Variants in CNOT6L observed in about 807,000 individuals in gnomAD.
CNOT6L encodes the protein CCR4-NOT transcription complex subunit 6 like, also known as CCR4-NOT transcription complex subunit 6-like.
In CNOT6L, 7 loss-of-function variants were observed where a neutral mutation model predicts 64.0. The ratio of observed to expected loss-of-function variants is 0.11; its 90% CI spans 0.06 to 0.21. The LOEUF (loss-of-function observed/expected upper bound fraction) is 0.21. CNOT6L is among the 10% of genes least tolerant of loss of function. The pLI is 1.00. For missense variants in CNOT6L, 245 were observed against 669.0 expected, an observed-to-expected ratio of 0.37 and a Z score of 6.99; for synonymous variants, 193 against 243.4, an observed-to-expected ratio of 0.79 and a Z score of 1.93.
intron 1 of CNOT6L, among the ~76,000 whole-genome samples, chr4:77,795,289 G>C (rs1371431255): frequency 6.6e-6 from 1 of 152,108 alleles, no homozygotes; most frequent in Admixed American, 6.6e-5. Flanking sequence ...AAAGTGCTGA[G>C]ATTACAGGTG....
intron 11 of CNOT6L, among the ~76,000 whole-genome samples, chr4:77,725,816 G>A (rs1280362890): frequency 2.0e-5 from 3 of 152,124 alleles, no homozygotes. Flanking sequence ...GGGAGGTTAG[G>A]GGAGGGAGGT....
At chr4:77,724,752 G>A (rs1293853415) in intron 11 of CNOT6L, among the ~76,000 whole-genome samples, 1 of 152,020 alleles carries the variant, frequency 6.6e-6, no homozygotes, top group Non-Finnish European at 1.5e-5. Flanking sequence ...CTTATTTTCG[G>A]GAACTTTATC....
intron 5 of CNOT6L, among the ~76,000 whole-genome samples, chr4:77,756,646 A>G (rs1018983920): frequency 2.6e-5 from 4 of 152,242 alleles, no homozygotes; most frequent in East Asian, 1.9e-4. Flanking sequence ...GTTCTTAAAC[A>G]AAATAATGCA....
intron 1 of CNOT6L, among the ~76,000 whole-genome samples, chr4:77,800,533 TAA>T (rs1024227010): frequency 2.6e-5 from 4 of 151,890 alleles, no homozygotes; most frequent in Non-Finnish European, 5.9e-5. Context: ...TTAAAAAAAA[TAA>T]AGTCTTGTAT....
chr4:77,778,715 C>A (rs1032987880), intron 1 of CNOT6L, among the ~76,000 whole-genome samples: 3 of 151,496 alleles, frequency 2.0e-5, no homozygotes, highest in Admixed American at 6.6e-5. Flanking sequence ...CAGGCGTGAG[C>A]CACGGCACCC....
intron 1 of CNOT6L, among the ~76,000 whole-genome samples, chr4:77,794,434 T>C (rs1730566768): frequency 6.6e-6 from 1 of 152,136 alleles, no homozygotes; most frequent in South Asian, 2.1e-4. Context: ...TCCATCATTA[T>C]ACCAAGTGGT....
intron 5 of CNOT6L, among the ~76,000 whole-genome samples, chr4:77,750,493 T>C (rs1173747479): frequency 6.6e-6 from 1 of 151,812 alleles, no homozygotes; most frequent in African/African-American, 2.4e-5. Context: ...CTGGGACTAC[T>C]GGCGCCCACC....
In CNOT6L at chr4:77,720,099, GTATT is replaced by G. The variant is rs1011013720; in HGVS notation, c.*328_*331del. On this transcript the variant is annotated 3_prime_UTR_variant, in exon 12 of 12. Transcript: ENST00000504123. ...GCTCACTGAAACCATTCAAAAGAAAGTATTTGTTTTGGAAAAACAAATACACTGT... is the reference window on the plus strand; with the variant it reads ...GCTCACTGAAACCATTCAAAAGAAAGTGTTTTGGAAAAACAAATACACTGT... 1.1e-5 allele frequency: 2 copies of G among 189,352 alleles called. No homozygotes were observed. The highest frequency in any genetic ancestry group is 4.7e-5 in the African/African-American group (2 of 42,592). 11.7% of individuals were successfully genotyped at this position (189,352 alleles called of 1,614,324 possible).
chr4:77,734,859 A>G (rs1017873708), intron 8 of CNOT6L, among the ~76,000 whole-genome samples: 1 of 152,170 alleles, frequency 6.6e-6, no homozygotes, highest in Non-Finnish European at 1.5e-5. Flanking sequence ...TGTTATGAGC[A>G]TGCATTCTCT....
chr4:77,781,563 T>A (rs1728858623), intron 1 of CNOT6L, among the ~76,000 whole-genome samples: 1 of 152,134 alleles, frequency 6.6e-6, no homozygotes, highest in African/African-American at 2.4e-5. Flanking sequence ...CATACAAATA[T>A]ACTATTGTTA....
At chr4:77,799,402 A>G (rs1363606073) in intron 1 of CNOT6L, among the ~76,000 whole-genome samples, 2 of 152,156 alleles carry the variant, frequency 1.3e-5, no homozygotes, top group African/African-American at 4.8e-5. Flanking sequence ...AGTATAAACA[A>G]GGTCAAAAGT....
rs962827694 is a variant in CNOT6L at position 77,713,736 on chromosome 4, C to T, written c.*6695G>A. Reference sequence around the variant, plus strand: ...TGAGCAGTTTTGGTCAAGATTCAGACCTCATCAACTGTTTAACTGTAATAA... The same window carrying T: ...TGAGCAGTTTTGGTCAAGATTCAGATCTCATCAACTGTTTAACTGTAATAA... On this transcript the variant is annotated 3_prime_UTR_variant, in exon 12 of 12. Transcript: ENST00000504123. 6.6e-6 allele frequency: 1 copy of T among 152,462 alleles called. No individual in the cohort carries two copies. Among genetic ancestry groups the T allele is most frequent in the African/African-American group, 2.4e-5 (1 of 41,418 alleles). 9.4% of individuals were successfully genotyped at this position (152,462 alleles called of 1,614,324 possible).
intron 8 of CNOT6L, 119 bp from the exon 9 acceptor site, chr4:77,731,657 G>T (rs963876472): frequency 1.4e-6 from 1 of 737,894 alleles, no homozygotes; most frequent in Non-Finnish European, 2.1e-6. Flanking sequence ...GTGACCATGT[G>T]ATACAGTTCT....
chr4:77,754,904 A>AAAAAAAAAAC (rs1725328884), intron 5 of CNOT6L, among the ~76,000 whole-genome samples: 1 of 146,608 alleles, frequency 6.8e-6, no homozygotes, highest in Non-Finnish European at 1.5e-5. Context: ...AAAAAAAAAA[A>AAAAAAAAAAC]AAAAAAAAAC....
intron 4 of CNOT6L, among the ~76,000 whole-genome samples, chr4:77,760,967 C>T (rs370761898): frequency 4.7e-5 from 7 of 147,868 alleles, no homozygotes; most frequent in East Asian, 4.0e-4. Context: ...CTGCCCACCT[C>T]GGCCTCCCAA....
chr4:77,806,224 G>A (rs1220800677), intron 1 of CNOT6L, among the ~76,000 whole-genome samples: 7 of 152,040 alleles, frequency 4.6e-5, no homozygotes, highest in Admixed American at 1.3e-4. Context: ...TTGGGAGTTC[G>A]AGACCAGCCT....
intron 1 of CNOT6L, among the ~76,000 whole-genome samples, chr4:77,814,390 T>C (rs186088419): frequency 3.9e-5 from 6 of 152,282 alleles, no homozygotes; most frequent in Admixed American, 3.9e-4. Context: ...CTCATAAAAG[T>C]TGTCCAAAAA....
chr4:77,731,802 T>A, intron 8 of CNOT6L: 2 of 302,560 alleles, frequency 6.6e-6, no homozygotes, highest in Non-Finnish European at 1.2e-5. Flanking sequence ...ATAATAACCA[T>A]CTTGTGACCA....
intron 7 of CNOT6L, 61 bp downstream of exon 7, chr4:77,744,657 T>A: frequency 1.4e-6 from 2 of 1,430,538 alleles, no homozygotes; most frequent in Admixed American, 2.5e-5. Flanking sequence ...AGTGGTCAGA[T>A]CTTCTCTTAT....
Sources: allele counts gnomAD v4.1 joint callset (sites outside exome capture counted in the v4.1 genomes callset), GRCh38; gene constraint gnomAD v4.1.1; transcripts MANE v1.5; gene names NCBI Gene and HGNC (gene_info 2026-07-23, HGNC 2026-07-21).